The following PKIA variants were observed in gnomAD, a reference collection of about 807,000 sequenced individuals.
The protein encoded by PKIA is PKI-alpha.
In PKIA, 4 loss-of-function variants were observed where a neutral mutation model predicts 7.6. The observed-to-expected ratio is 0.52, with a 90% CI of 0.26 to 1.20. The LOEUF (loss-of-function observed/expected upper bound fraction) is 1.20. Ranked by LOEUF, PKIA falls within the 50% of genes most tolerant of loss-of-function variation. The pLI, the probability that PKIA is intolerant of heterozygous loss-of-function variation, is 0.13. For missense variants in PKIA, 73 were observed against 86.2 expected, an observed-to-expected ratio of 0.85 and a Z score of 0.61; for synonymous variants, 21 against 30.7, an observed-to-expected ratio of 0.68 and a Z score of 1.04.
In PKIA at chr8:78,604,460, A is replaced by G. The variant is rs1312915738; in HGVS notation, c.*2639A>G. 1 of 152,004 alleles carries G rather than the reference A, an allele frequency of 6.6e-6. No individual in the cohort carries two copies. Among genetic ancestry groups the G allele is most frequent in the Non-Finnish European group, 1.5e-5 (1 of 67,954 alleles). The allele number at this position is 152,004 out of a possible 1,614,324, so 9.4% of individuals were successfully genotyped here. On this transcript the variant is annotated 3_prime_UTR_variant, in exon 4 of 4. Coordinates refer to ENST00000396418, the MANE Select transcript of PKIA (RefSeq NM_006823.4). ...TGCAGAGCTGTAAGGGAACTTTTAGAGATGAACTTCTTCAGCCTCCATATT... is the reference window on the plus strand; with the variant it reads ...TGCAGAGCTGTAAGGGAACTTTTAGGGATGAACTTCTTCAGCCTCCATATT...
At chr8:78,559,415 A>G (rs1459896315) in intron 1 of PKIA, among the ~76,000 whole-genome samples, 1 of 152,194 alleles carries the variant, frequency 6.6e-6, no homozygotes, top group African/African-American at 2.4e-5. Context: ...TAGCAGGGAG[A>G]TAGCACTAAG....
At chr8:78,524,491 T>C (rs1171038109) in intron 1 of PKIA, among the ~76,000 whole-genome samples, 2 of 151,636 alleles carry the variant, frequency 1.3e-5, no homozygotes, top group African/African-American at 4.8e-5. Flanking sequence ...TGAGATAAAA[T>C]GGGGCTGATG....
chr8:78,555,195 A>G (rs1248421319), intron 1 of PKIA, among the ~76,000 whole-genome samples: 1 of 152,038 alleles, frequency 6.6e-6, no homozygotes, highest in Non-Finnish European at 1.5e-5. Context: ...AGTTTCATCA[A>G]GCTGCACTTT....
chr8:78,569,996 A>G (rs1234947141), intron 1 of PKIA, among the ~76,000 whole-genome samples: 4 of 152,130 alleles, frequency 2.6e-5, no homozygotes, highest in Admixed American at 6.6e-5. Flanking sequence ...AGAGGAAAAC[A>G]TAGGCTTAGT....
At chr8:78,516,747 CAAAATTT>C (rs1809323490) in intron 1 of PKIA, among the ~76,000 whole-genome samples, 1 of 152,210 alleles carries the variant, frequency 6.6e-6, no homozygotes, top group Admixed American at 6.5e-5. Flanking sequence ...GAAGAGGACT[CAAAATTT>C]AAAATAATTT....
intron 1 of PKIA, among the ~76,000 whole-genome samples, chr8:78,546,314 CCATATAG>C (rs1211827236): frequency 6.7e-6 from 1 of 149,480 alleles, no homozygotes; most frequent in African/African-American, 2.5e-5. Flanking sequence ...AGATATAGGA[CCATATAG>C]TTAAGAAGGA....
At chr8:78,577,344 G>A (rs1372693060) in intron 2 of PKIA, among the ~76,000 whole-genome samples, 1 of 151,824 alleles carries the variant, frequency 6.6e-6, no homozygotes, top group African/African-American at 2.4e-5. Flanking sequence ...GCCTTTTGAG[G>A]GTAGAGCGTG....
At chr8:78,597,756 A>T (rs1402521445) in intron 2 of PKIA, among the ~76,000 whole-genome samples, 15 of 152,160 alleles carry the variant, frequency 9.9e-5, no homozygotes, top group Admixed American at 9.8e-4. Flanking sequence ...TGTTTTACGT[A>T]TTGGCTATGG....
chr8:78,558,918 T>G lies in PKIA; in HGVS notation c.-156-13893T>G, dbSNP rs112996505. Among the ~76,000 whole-genome samples, 207 of 151,762 alleles carry G rather than the reference T, an allele frequency of 1.4e-3. 3 individuals carry two copies. The South Asian group carries it at 0.014, about 10-fold the overall frequency. On this transcript the variant is annotated intron_variant, in intron 1 of 3. Transcript: ENST00000396418. ...CTGTGCATTTAATACATTATGGGTT[T>G]GTTTGTTTGTTTGTTTGTTTTGAGA...
intron 2 of PKIA, among the ~76,000 whole-genome samples, chr8:78,597,131 T>G (rs1178453392): frequency 1.3e-5 from 2 of 152,158 alleles, no homozygotes; most frequent in Non-Finnish European, 2.9e-5. Context: ...TCTGGCTTTT[T>G]TCTTTTTGCT....
chr8:78,582,411 C>G (rs950172954), intron 2 of PKIA, among the ~76,000 whole-genome samples: 3 of 151,962 alleles, frequency 2.0e-5, no homozygotes, highest in African/African-American at 4.8e-5. Context: ...ATGCCAGACA[C>G]TTTTCAAACC....
rs749903069 is a variant in PKIA, at chr8:78,517,996, A to T, written c.-157+1528A>T. ...AATGAAAAAGAGGGGCAGAGTTGGTAGCTTAAAATTTTACCTCTTTCTTTC... is the reference window on the plus strand; with the variant it reads ...AATGAAAAAGAGGGGCAGAGTTGGTTGCTTAAAATTTTACCTCTTTCTTTC... On this transcript the variant is annotated intron_variant, in intron 1 of 3. Transcript: ENST00000396418. Among the ~76,000 whole-genome samples the T allele has an allele frequency of 8.5e-5, 13 of 152,244 alleles. 1 individual carries two copies. Among genetic ancestry groups the T allele is most frequent in the Non-Finnish European group, 1.0e-4 (7 of 68,038 alleles).
At chr8:78,561,091 G>T (rs1807273134) in intron 1 of PKIA, among the ~76,000 whole-genome samples, 1 of 152,152 alleles carries the variant, frequency 6.6e-6, no homozygotes, top group Admixed American at 6.5e-5. Flanking sequence ...TAGTGTGTTT[G>T]GACTTGCATC....
chr8:78,575,900 A>G (rs1005341991), intron 2 of PKIA, among the ~76,000 whole-genome samples: 3 of 151,996 alleles, frequency 2.0e-5, no homozygotes, highest in Admixed American at 6.6e-5. Context: ...ATTTTTACAC[A>G]GTTCTGGAGG....
chr8:78,598,337 T>G (rs896567239), intron 2 of PKIA, 21 bp from the exon 3 acceptor site: 8 of 1,487,862 alleles, frequency 5.4e-6, no homozygotes, highest in Non-Finnish European at 7.4e-6. Flanking sequence ...ATTCACCTAT[T>G]AATTTTCCTT....
chr8:78,591,939 T>G (rs954210170), intron 2 of PKIA, among the ~76,000 whole-genome samples: 1 of 152,190 alleles, frequency 6.6e-6, no homozygotes, highest in Non-Finnish European at 1.5e-5. Flanking sequence ...TGACATTTAT[T>G]TGACTCTTTT....
chr8:78,587,942 G>T (rs535227863), intron 2 of PKIA, among the ~76,000 whole-genome samples: 3 of 152,202 alleles, frequency 2.0e-5, no homozygotes, highest in South Asian at 4.2e-4. Flanking sequence ...TAAACAAGGA[G>T]GATCTTGAGT....
At chr8:78,523,863 T>G (rs1368870616) in intron 1 of PKIA, among the ~76,000 whole-genome samples, 1 of 145,360 alleles carries the variant, frequency 6.9e-6, no homozygotes, top group Non-Finnish European at 1.5e-5. Flanking sequence ...AAAGGAACAT[T>G]ATACATATAT....
intron 1 of PKIA, among the ~76,000 whole-genome samples, chr8:78,549,309 GA>G (rs1336083332): frequency 1.3e-5 from 2 of 151,776 alleles, no homozygotes; most frequent in Non-Finnish European, 2.9e-5. Context: ...TTTTTTGGAA[GA>G]GAAAAAGCTA....
Sources: gnomAD v4.1 joint callset for allele counts (sites outside exome capture counted in the v4.1 genomes callset) on GRCh38, gnomAD v4.1.1 for gene constraint, MANE v1.5 for transcripts, NCBI Gene and HGNC (gene_info 2026-07-23, HGNC 2026-07-21) for gene names.